SPATA13: variants seen among roughly 807,000 people sequenced by gnomAD.
The protein encoded by SPATA13 is spermatogenesis associated 13.
SPATA13 carries 50 observed loss-of-function variants against 104.0 expected under a neutral mutation model. The observed-to-expected ratio is 0.48, with a 90% CI of 0.38 to 0.61. SPATA13 has a LOEUF of 0.61. Among genes scored for constraint, SPATA13 ranks in the 20% least tolerant of loss-of-function variants. The pLI, the probability that SPATA13 is intolerant of heterozygous loss-of-function variation, is 0.00. For missense variants in SPATA13, 1,524 were observed against 1,690.6 expected (o/e 0.90, Z 1.73); for synonymous variants, 606 against 667.5 (o/e 0.91, Z 1.42).
At chr13:24,111,787 T>C (rs1880648469) in intron 3 of SPATA13, among the ~76,000 whole-genome samples, 1 of 152,234 alleles carries the variant, frequency 6.6e-6, no homozygotes, top group African/African-American at 2.4e-5. Flanking sequence ...TCCTACTTGG[T>C]CATGATAGCT....
rs766012972 is a variant in SPATA13, at chr13:24,288,979, ATTAC to A, written c.2668-17_2668-14del. 2 of 1,572,002 alleles carry A rather than the reference ATTAC, an allele frequency of 1.3e-6. No individual in the cohort carries two copies. The highest frequency in any genetic ancestry group is 2.4e-5 in the South Asian group (2 of 84,522). On this transcript the variant is annotated splice_polypyrimidine_tract_variant and intron_variant, in intron 7 of 12. Transcript: ENST00000382108. Reference sequence around the variant, plus strand: ...TTATTTGGATTTCCAAATAAAAAGTATTACTTCTGTATTTTGCAGGGCTATATCC... The same window carrying A: ...TTATTTGGATTTCCAAATAAAAAGTATTCTGTATTTTGCAGGGCTATATCC...
chr13:24,169,246 T>C (rs1248813018), intron 1 of SPATA13, among the ~76,000 whole-genome samples: 3 of 152,214 alleles, frequency 2.0e-5, no homozygotes, highest in Admixed American at 6.5e-5. Context: ...TGGAATGTGA[T>C]GGAACACGAA....
At chr13:24,122,729 A>G (rs2137826159) in intron 3 of SPATA13, 10 of 873,906 alleles carry the variant, frequency 1.1e-5, no homozygotes, top group South Asian at 1.1e-4. Context: ...TCATATCTGT[A>G]AAGTAATCAA....
intron 4 of SPATA13, among the ~76,000 whole-genome samples, chr13:24,275,631 G>A (rs187396544): frequency 3.9e-5 from 6 of 152,306 alleles, no homozygotes; most frequent in Admixed American, 3.9e-4. Flanking sequence ...TTACAAGATC[G>A]TTTCCAAAAA....
chr13:24,286,380 C>T lies in SPATA13; in HGVS notation c.2468C>T (p.Ala823Val), dbSNP rs763599007. Residue 823 changes from alanine to valine, a missense_variant, in exon 6 of 13, where the codon GCG becomes GTG. Physicochemically the swap from Ala to Val is moderately conservative, Grantham distance 64. This residue lies in a region of SPATA13 where 1,089 missense variants were observed against 1,135.9 expected (regional missense o/e 0.96). Transcript: ENST00000382108. The surrounding 1 kb of genome is among the most constrained non-coding windows in gnomAD (Gnocchi z 4.9). ...GAAGATAAGGAAGCCTGGTTCCCCG[C>T]GAGCTTCGTCAGAGTAAGTGTGGGG... ...RSEDKEAWFPASFVRLRVNQE... is the reference protein window; with the variant it reads ...RSEDKEAWFPVSFVRLRVNQE... 1.6e-5 allele frequency: 26 copies of T among 1,611,960 alleles called. No homozygotes were observed. In the South Asian group the frequency reaches 2.2e-4, roughly 14 times the overall value.
intron 3 of SPATA13, among the ~76,000 whole-genome samples, chr13:24,020,424 A>G (rs1451027143): frequency 6.6e-6 from 1 of 152,216 alleles, no homozygotes; most frequent in African/African-American, 2.4e-5. Flanking sequence ...TAAGTAGAAT[A>G]TATTAGTATT....
At chr13:24,290,594 C>T (rs566067055) in intron 8 of SPATA13, 58 bp from the exon 9 acceptor site, 1 of 1,324,368 alleles carries the variant, frequency 7.6e-7, no homozygotes, top group African/African-American at 1.4e-5. Flanking sequence ...TGATGCCTGT[C>T]TTTGTCATGT....
intron 1 of SPATA13, among the ~76,000 whole-genome samples, chr13:24,187,192 T>C (rs1056930630): frequency 6.6e-6 from 1 of 152,192 alleles, no homozygotes; most frequent in African/African-American, 2.4e-5. Flanking sequence ...CAAAATTCTT[T>C]AGCTATCCAA....
intron 3 of SPATA13, among the ~76,000 whole-genome samples, chr13:24,133,303 T>A (rs4770596): frequency 6.6e-6 from 1 of 152,030 alleles, no homozygotes; most frequent in Admixed American, 6.6e-5. Context: ...ATTAAGTTCA[T>A]CTGGTAGAGA....
At chr13:24,215,839 C>T (rs1871235911) in intron 1 of SPATA13, among the ~76,000 whole-genome samples, 1 of 152,142 alleles carries the variant, frequency 6.6e-6, no homozygotes, top group Non-Finnish European at 1.5e-5. Context: ...AGGATTAGGG[C>T]CATCCATCTG....
At chr13:24,164,721 C>T (rs1042840455) in intron 1 of SPATA13, among the ~76,000 whole-genome samples, 20 of 152,310 alleles carry the variant, frequency 1.3e-4, no homozygotes, top group African/African-American at 4.8e-4. Flanking sequence ...TTAGGAGATC[C>T]ACCTGCATCC....
intron 4 of SPATA13, chr13:24,271,041 A>ACT (rs71928912): frequency 6.0e-4 from 289 of 481,498 alleles, no homozygotes; most frequent in South Asian, 3.7e-3. Flanking sequence ...TCTCTCTCTC[A>ACT]CTCTCTCTCT....
At chr13:24,145,890 A>G (rs894386023) in intron 3 of SPATA13, among the ~76,000 whole-genome samples, 2 of 152,172 alleles carry the variant, frequency 1.3e-5, no homozygotes, top group African/African-American at 4.8e-5. Flanking sequence ...CTCTATGCTG[A>G]TGGAGGGAAG....
intron 3 of SPATA13, among the ~76,000 whole-genome samples, chr13:24,098,760 T>A (rs1196366674): frequency 2.6e-5 from 4 of 151,094 alleles, no homozygotes; most frequent in Admixed American, 6.6e-5. Flanking sequence ...AACCCCGTCT[T>A]TACTAAAAAC....
rs575914096 is a variant in SPATA13 at position 24,292,445 on chromosome 13, T to G, written c.3080+1561T>G. Reference sequence around the variant, plus strand: ...CGCAGGGGTCTAGGCTAAAGCTGACTCTTTTAGATGAGAATCGAAACAGGG... The same window carrying G: ...CGCAGGGGTCTAGGCTAAAGCTGACGCTTTTAGATGAGAATCGAAACAGGG... On this transcript the variant is annotated intron_variant, in intron 9 of 12. Coordinates refer to ENST00000382108, the MANE Select transcript of SPATA13 (RefSeq NM_001166271.3). 9.4e-4 allele frequency among the ~76,000 whole-genome samples: 143 copies of G among 152,314 alleles called. 1 individual carries two copies. The highest frequency in any genetic ancestry group is 3.3e-3 in the African/African-American group (139 of 41,564).
At chr13:24,165,554 C>T (rs1439048426) in intron 1 of SPATA13, among the ~76,000 whole-genome samples, 1 of 152,182 alleles carries the variant, frequency 6.6e-6, no homozygotes, top group African/African-American at 2.4e-5. Flanking sequence ...CCCTCTTCTC[C>T]TCTCTCAGCC....
In SPATA13 at chr13:24,251,586, A is replaced by G. The variant is rs572884432; in HGVS notation, c.2020-132A>G. 7.7e-4 allele frequency: 1,166 copies of G among 1,506,440 alleles called. 2 individuals carry two copies. The highest frequency in any genetic ancestry group is 1.0e-3 in the South Asian group (76 of 75,074). The allele number at this position is 1,506,440 out of a possible 1,614,324, so 93.3% of individuals were successfully genotyped here. On this transcript the variant is annotated intron_variant, in intron 3 of 12. Transcript: ENST00000382108. ...CCACTGGGCTTCGGTGCAGCCTGCA[A>G]CTCGTGGCAGGATTGGAGAAACCAT...
At position 24,303,602 on chromosome 13, in the gene SPATA13, A is replaced by C. The variant is rs1229589950; in HGVS notation, c.*829A>C. On this transcript the variant is annotated 3_prime_UTR_variant, in exon 13 of 13. Transcript: ENST00000382108. ...AAATCACATCTTGCCCACATGCTGT[A>C]ACCTAAGAAACTGCTATGCAAGGCT... The C allele has an allele frequency of 6.5e-6, 1 of 154,684 alleles. No individual in the cohort carries two copies. Among genetic ancestry groups the C allele is most frequent in the Non-Finnish European group, 1.4e-5 (1 of 69,580 alleles). 9.6% of individuals were successfully genotyped at this position (154,684 alleles called of 1,614,324 possible). A position where few individuals can be genotyped will look rare whatever the true frequency, so the allele number is the denominator to read the frequency against.
intron 3 of SPATA13, among the ~76,000 whole-genome samples, chr13:24,086,734 G>A (rs1005139007): frequency 6.6e-6 from 1 of 152,156 alleles, no homozygotes; most frequent in African/African-American, 2.4e-5. Flanking sequence ...TAGACACTGA[G>A]TGGGAAGGGC....
Sources: gnomAD v4.1 joint callset for allele counts (sites outside exome capture counted in the v4.1 genomes callset) on GRCh38, gnomAD v4.1.1 for gene constraint, gnomAD v4.1.1 regional missense constraint, Gnocchi (gnomAD v3.1) non-coding constraint, MANE v1.5 for transcripts, NCBI Gene and HGNC (gene_info 2026-07-23, HGNC 2026-07-21) for gene names.